The following CCSER1 variants were observed in gnomAD, a reference collection of about 807,000 sequenced individuals.
CCSER1 encodes serine-rich coiled-coil domain-containing protein 1.
A neutral mutation model predicts 82.0 loss-of-function variants in CCSER1; 41 were observed. That is an observed-to-expected ratio of 0.50 (90% CI 0.39 to 0.65). The LOEUF (loss-of-function observed/expected upper bound fraction) is 0.65. Ranked by LOEUF, CCSER1 falls within the 30% of genes least tolerant of loss-of-function variation. CCSER1 has a pLI of 0.00. For missense variants in CCSER1, 1,119 were observed against 1,064.2 expected (o/e 1.05, Z -0.72); for synonymous variants, 414 against 383.9 (o/e 1.08, Z -0.92).
At chr4:91,279,353 C>T (rs1742733212) in intron 10 of CCSER1, among the ~76,000 whole-genome samples, 1 of 152,082 alleles carries the variant, frequency 6.6e-6, no homozygotes. Context: ...TATTTTCCCT[C>T]CACCTTTGAG....
At chr4:90,424,639 C>T (rs987737316) in intron 4 of CCSER1, among the ~76,000 whole-genome samples, 1 of 152,160 alleles carries the variant, frequency 6.6e-6, no homozygotes, top group African/African-American at 2.4e-5. Flanking sequence ...TACTCATAGT[C>T]TACATTTTTA....
chr4:90,790,757 A>G (rs1755117419), intron 7 of CCSER1, among the ~76,000 whole-genome samples: 1 of 152,140 alleles, frequency 6.6e-6, no homozygotes, highest in African/African-American at 2.4e-5. Flanking sequence ...GAAGTCTCAA[A>G]CTTTCCCACA....
At chr4:91,113,575 C>T (rs915750741) in intron 10 of CCSER1, among the ~76,000 whole-genome samples, 2 of 152,152 alleles carry the variant, frequency 1.3e-5, no homozygotes, top group African/African-American at 4.8e-5. Flanking sequence ...GATAACTGAG[C>T]CTCTGGCCTC....
chr4:91,556,555 GA>G (rs1490347305), intron 10 of CCSER1, among the ~76,000 whole-genome samples: 1 of 150,596 alleles, frequency 6.6e-6, no homozygotes, highest in Admixed American at 6.7e-5. Flanking sequence ...ACCTTTGAAT[GA>G]AAAAAGGCAA....
chr4:91,009,891 G>C (rs1341327808), intron 9 of CCSER1, among the ~76,000 whole-genome samples: 1 of 151,910 alleles, frequency 6.6e-6, no homozygotes, highest in Non-Finnish European at 1.5e-5. Flanking sequence ...TGAATCTTTT[G>C]ACTTTTAACA....
At chr4:91,309,158 G>A (rs1017627429) in intron 10 of CCSER1, among the ~76,000 whole-genome samples, 5 of 151,952 alleles carry the variant, frequency 3.3e-5, no homozygotes, top group East Asian at 1.9e-4. Flanking sequence ...AATCTTGTCC[G>A]TCCTTTTTAG....
intron 6 of CCSER1, among the ~76,000 whole-genome samples, chr4:90,640,945 C>T (rs573185145): frequency 6.6e-6 from 1 of 152,186 alleles, no homozygotes; most frequent in East Asian, 1.9e-4. Flanking sequence ...ATGCAAGGTA[C>T]TAGAACAAAC....
chr4:90,620,036 G>T (rs1428094921), intron 5 of CCSER1, among the ~76,000 whole-genome samples: 1 of 152,038 alleles, frequency 6.6e-6, no homozygotes, highest in African/African-American at 2.4e-5. Context: ...TCAGTTTTAT[G>T]CTCATAGGAT....
chr4:90,893,792 T>TTGGG (rs1723302049), intron 8 of CCSER1, among the ~76,000 whole-genome samples: 2 of 145,330 alleles, frequency 1.4e-5, no homozygotes. Context: ...TGTGTGTGTG[T>TTGGG]GGGGGGTGAA....
chr4:91,131,655 G>C (rs1361437686), intron 10 of CCSER1, among the ~76,000 whole-genome samples: 1 of 151,984 alleles, frequency 6.6e-6, no homozygotes, highest in African/African-American at 2.4e-5. Flanking sequence ...GATCTAGATA[G>C]GTAGATAGAT....
chr4:90,764,684 A>G (rs1018877400), intron 7 of CCSER1, among the ~76,000 whole-genome samples: 1 of 152,178 alleles, frequency 6.6e-6, no homozygotes, highest in East Asian at 1.9e-4. Flanking sequence ...TCAGGCAATT[A>G]TAAGATATAG....
At chr4:90,241,479 G>T (rs1164587062) in intron 1 of CCSER1, among the ~76,000 whole-genome samples, 1 of 152,056 alleles carries the variant, frequency 6.6e-6, no homozygotes, top group African/African-American at 2.4e-5. Context: ...TATGTCTATT[G>T]TTGCTTTAAC....
intron 6 of CCSER1, among the ~76,000 whole-genome samples, chr4:90,630,635 T>C (rs1264212001): frequency 6.6e-6 from 1 of 151,984 alleles, no homozygotes. Flanking sequence ...ATTATATGAT[T>C]AGCATAGACA....
intron 9 of CCSER1, among the ~76,000 whole-genome samples, chr4:90,932,663 A>G (rs1489427961): frequency 6.6e-6 from 1 of 151,206 alleles, no homozygotes; most frequent in African/African-American, 2.4e-5. Context: ...TCCCTTCTCT[A>G]CTAAAATTAT....
At chr4:91,229,000 G>A (rs559255942) in intron 10 of CCSER1, among the ~76,000 whole-genome samples, 53 of 152,154 alleles carry the variant, frequency 3.5e-4, no homozygotes, top group Non-Finnish European at 6.3e-4. Context: ...GATAGCTTTG[G>A]GAGCATTCTA....
chr4:91,556,612 T>A (rs562923708), intron 10 of CCSER1, among the ~76,000 whole-genome samples: 1 of 150,950 alleles, frequency 6.6e-6, no homozygotes, highest in African/African-American at 2.4e-5. Context: ...AAATTAATAA[T>A]TACTGGATGA....
At chr4:90,867,049 T>A (rs1056390871) in intron 8 of CCSER1, among the ~76,000 whole-genome samples, 5 of 152,030 alleles carry the variant, frequency 3.3e-5, no homozygotes, top group Non-Finnish European at 7.4e-5. Flanking sequence ...TGAGGATCGC[T>A]AATCTAGGGC....
intron 8 of CCSER1, among the ~76,000 whole-genome samples, chr4:90,829,071 TATGAA>T (rs1465439190): frequency 6.6e-6 from 1 of 152,064 alleles, no homozygotes; most frequent in Admixed American, 6.6e-5. Flanking sequence ...AAAACAGAGC[TATGAA>T]ATGATCCAAA....
At chr4:90,929,886 A>T (rs2150278578) in intron 9 of CCSER1, among the ~76,000 whole-genome samples, 1 of 152,320 alleles carries the variant, frequency 6.6e-6, no homozygotes, top group Admixed American at 6.5e-5. Flanking sequence ...CTCACTACAA[A>T]AAAAGATAAG....
Sources: gnomAD v4.1 joint callset for allele counts (sites outside exome capture counted in the v4.1 genomes callset) on GRCh38, gnomAD v4.1.1 for gene constraint, MANE v1.5 for transcripts, NCBI Gene and HGNC (gene_info 2026-07-23, HGNC 2026-07-21) for gene names.